The following TAFA1 variants were observed in gnomAD, a reference collection of about 807,000 sequenced individuals.
TAFA1 encodes chemokine-like protein TAFA-1.
TAFA1 carries 4 observed loss-of-function variants against 18.5 expected under a neutral mutation model. That is an observed-to-expected ratio of 0.22 (90% confidence interval 0.11 to 0.49). TAFA1 has a LOEUF of 0.49. Ranked by LOEUF, TAFA1 falls within the 20% of genes least tolerant of loss-of-function variation. TAFA1 has a pLI of 0.98. For missense variants in TAFA1, 147 were observed against 169.0 expected, an observed-to-expected ratio of 0.87 and a Z score of 0.72; for synonymous variants, 56 against 55.2, an observed-to-expected ratio of 1.01 and a Z score of -0.06.
chr3:68,406,940 G>C (rs1373129740), intron 2 of TAFA1, among the ~76,000 whole-genome samples: 10 of 152,194 alleles, frequency 6.6e-5, no homozygotes, highest in Admixed American at 3.3e-4. Flanking sequence ...TTCTGCAGTA[G>C]AGTTTCAACA....
At chr3:68,419,763 T>C (rs2070918727) in intron 3 of TAFA1, among the ~76,000 whole-genome samples, 3 of 152,116 alleles carry the variant, frequency 2.0e-5, no homozygotes, top group Admixed American at 6.5e-5. Flanking sequence ...TGTGGGTCAG[T>C]AGGTGGTTAG....
At chr3:68,517,424 T>C (rs2072939859) in intron 3 of TAFA1, among the ~76,000 whole-genome samples, 1 of 152,198 alleles carries the variant, frequency 6.6e-6, no homozygotes, top group Non-Finnish European at 1.5e-5. Context: ...GTCATGGCCT[T>C]ATGTAGTGCC....
intron 2 of TAFA1, among the ~76,000 whole-genome samples, chr3:68,257,826 C>A (rs1479018518): frequency 6.6e-6 from 1 of 152,084 alleles, no homozygotes; most frequent in African/African-American, 2.4e-5. Context: ...ATTATCTTAA[C>A]CAAGTGACCA....
chr3:68,365,947 T>C (rs1312511303), intron 2 of TAFA1, among the ~76,000 whole-genome samples: 1 of 151,912 alleles, frequency 6.6e-6, no homozygotes, highest in African/African-American at 2.4e-5. Flanking sequence ...TAGCTGGGCA[T>C]GGTGGCACGT....
intron 3 of TAFA1, among the ~76,000 whole-genome samples, chr3:68,439,404 T>TATACATAC (rs887220050): frequency 1.2e-5 from 1 of 85,740 alleles, no homozygotes; most frequent in African/African-American, 4.5e-5. Context: ...ATAGAATATA[T>TATACATAC]ATACATACAT....
intron 2 of TAFA1, among the ~76,000 whole-genome samples, chr3:68,323,647 CAGAT>C (rs1229455419): frequency 1.3e-5 from 2 of 152,156 alleles, no homozygotes; most frequent in East Asian, 3.8e-4. Flanking sequence ...AGCCAACAGT[CAGAT>C]AGTGAACCAA....
intron 2 of TAFA1, among the ~76,000 whole-genome samples, chr3:68,350,205 T>G (rs1348115647): frequency 6.6e-6 from 1 of 152,150 alleles, no homozygotes; most frequent in Non-Finnish European, 1.5e-5. Flanking sequence ...AGCACTGCTT[T>G]AAGAGGCTGT....
intron 2 of TAFA1, among the ~76,000 whole-genome samples, chr3:68,243,166 A>G (rs113868266): frequency 7.9e-5 from 12 of 152,216 alleles, no homozygotes; most frequent in African/African-American, 2.6e-4. Context: ...ATAAATTCAT[A>G]GGAAATTACA....
At chr3:68,542,510 T>G (rs1242116144) in intron 4 of TAFA1, among the ~76,000 whole-genome samples, 1 of 152,130 alleles carries the variant, frequency 6.6e-6, no homozygotes, top group Non-Finnish European at 1.5e-5. Context: ...TGTCTATACC[T>G]TTTATATTCA....
At chr3:68,404,041 A>G (rs1337435312) in intron 2 of TAFA1, among the ~76,000 whole-genome samples, 1 of 152,016 alleles carries the variant, frequency 6.6e-6, no homozygotes, top group Non-Finnish European at 1.5e-5. Flanking sequence ...GTACTCCCAC[A>G]CTCTTCCAAG....
At chr3:68,429,602 C>T (rs183256632) in intron 3 of TAFA1, among the ~76,000 whole-genome samples, 23 of 152,008 alleles carry the variant, frequency 1.5e-4, no homozygotes, top group Admixed American at 1.1e-3. Flanking sequence ...TAAGCTCTTC[C>T]TTCAACATAC....
At chr3:68,393,588 G>C (rs1281838257) in intron 2 of TAFA1, among the ~76,000 whole-genome samples, 1 of 152,134 alleles carries the variant, frequency 6.6e-6, no homozygotes, top group Non-Finnish European at 1.5e-5. Context: ...CAATATCCCT[G>C]TTGAACATCA....
chr3:68,177,062 C>T (rs2063742363), intron 2 of TAFA1, among the ~76,000 whole-genome samples: 1 of 152,042 alleles, frequency 6.6e-6, no homozygotes, highest in Admixed American at 6.5e-5. Context: ...GTAAATATTA[C>T]AGAAACTCAG....
intron 3 of TAFA1, among the ~76,000 whole-genome samples, chr3:68,496,509 T>G (rs186968911): frequency 6.5e-4 from 99 of 152,212 alleles, no homozygotes; most frequent in African/African-American, 2.2e-3. Context: ...CTTAATGGGC[T>G]TTCAGGCAAC....
At chr3:68,286,302 G>C (rs1259088633) in intron 2 of TAFA1, among the ~76,000 whole-genome samples, 6 of 151,906 alleles carry the variant, frequency 3.9e-5, no homozygotes, top group African/African-American at 1.4e-4. Flanking sequence ...TGAGCTGAGG[G>C]GTGAGTTAAT....
intron 2 of TAFA1, among the ~76,000 whole-genome samples, chr3:68,377,393 C>T (rs1466208737): frequency 6.6e-6 from 1 of 152,152 alleles, no homozygotes; most frequent in Non-Finnish European, 1.5e-5. Flanking sequence ...GGCACTGGAG[C>T]AAAGGTCACT....
intron 2 of TAFA1, among the ~76,000 whole-genome samples, chr3:68,342,801 G>C (rs2106756439): frequency 6.6e-6 from 1 of 152,274 alleles, no homozygotes; most frequent in Admixed American, 6.5e-5. Flanking sequence ...AGCGAGTTAG[G>C]CGTCACAAAG....
At chr3:68,030,612 G>T (rs1465065424) in intron 2 of TAFA1, among the ~76,000 whole-genome samples, 1 of 152,142 alleles carries the variant, frequency 6.6e-6, no homozygotes, top group Non-Finnish European at 1.5e-5. Flanking sequence ...TTTTATGGCT[G>T]CATAGTATTC....
At chr3:68,378,095 C>T (rs944848173) in intron 2 of TAFA1, among the ~76,000 whole-genome samples, 15 of 152,168 alleles carry the variant, frequency 9.9e-5, no homozygotes, top group African/African-American at 3.6e-4. Flanking sequence ...GGGTGTGAGG[C>T]CCCATACGGA....
Sources: allele counts gnomAD v4.1 joint callset (sites outside exome capture counted in the v4.1 genomes callset), GRCh38; gene constraint gnomAD v4.1.1; transcripts MANE v1.5; gene names NCBI Gene and HGNC (gene_info 2026-07-23, HGNC 2026-07-21).